The following NHEJ1 variants were observed in gnomAD, a reference collection of about 807,000 sequenced individuals.
NHEJ1 encodes non-homologous end joining factor 1.
NHEJ1 carries 22 observed loss-of-function variants against 39.4 expected under a neutral mutation model. The ratio of observed to expected loss-of-function variants is 0.56; its 90% CI spans 0.40 to 0.80. The LOEUF (loss-of-function observed/expected upper bound fraction) is 0.80, where lower values mean the gene tolerates loss of function less well. Ranked by LOEUF, NHEJ1 falls within the 30% of genes least tolerant of loss-of-function variation. The pLI is 0.00. For missense variants in NHEJ1, 329 were observed against 357.1 expected, an observed-to-expected ratio of 0.92 and a Z score of 0.63; for synonymous variants, 154 against 135.6, an observed-to-expected ratio of 1.14 and a Z score of -0.94.
chr2:219,078,150 C>G lies in NHEJ1; in HGVS notation c.645G>C (p.Gln215His). 6.2e-7 allele frequency: 1 copy of G among 1,614,146 alleles called. No individual in the cohort carries two copies. The highest frequency in any genetic ancestry group is 8.5e-7 in the Non-Finnish European group (1 of 1,180,028). ...GTGTGGTGACTGCCATATACAGATC[C>G]TGCAGATTCATGACAAAGGGCTTTC... is the stretch of plus-strand genomic sequence containing the variant. ...GDGKPFVMNL[Q>H]DLYMAVTTQE... The change falls in exon 6 of 8, where the codon CAG becomes CAC. Residue 215 changes from glutamine (Q) to histidine (H), a missense_variant. Physicochemically the swap from Gln to His is conservative, Grantham distance 24 (BLOSUM62 0). Transcript: ENST00000356853.
chr2:219,149,042 C>T (rs534868242), intron 3 of NHEJ1, among the ~76,000 whole-genome samples: 22 of 152,176 alleles, frequency 1.4e-4, no homozygotes, highest in African/African-American at 5.3e-4. Context: ...CACCACGATG[C>T]CCGGCTAATT....
At chr2:219,143,761 T>C (rs111540875) in intron 5 of NHEJ1, among the ~76,000 whole-genome samples, 1 of 152,282 alleles carries the variant, frequency 6.6e-6, no homozygotes, top group Non-Finnish European at 1.5e-5. Flanking sequence ...CTAAATTCTG[T>C]ATGCTTTCTC....
rs1304156709 is a variant in NHEJ1, at chr2:219,070,829, C to T, written c.*5552G>A. ...GAGGGCAACACAACAGACATTACCA[C>T]TATCAGAAAACCACTCAAGTAGGGC... On this transcript the variant is annotated 3_prime_UTR_variant, in exon 8 of 8. Transcript: ENST00000356853. 6.6e-6 allele frequency among the ~76,000 whole-genome samples: 1 copy of T among 152,214 alleles called. No individual in the cohort carries two copies. Among genetic ancestry groups the T allele is most frequent in the Non-Finnish European group, 1.5e-5 (1 of 68,040 alleles).
At chr2:219,126,114 G>A (rs527288535) in intron 5 of NHEJ1, among the ~76,000 whole-genome samples, 3 of 152,182 alleles carry the variant, frequency 2.0e-5, no homozygotes, top group Non-Finnish European at 2.9e-5. Flanking sequence ...TTCCACTTTG[G>A]GACTTTGCCA....
chr2:219,150,638 G>A (rs1949786259), intron 3 of NHEJ1, among the ~76,000 whole-genome samples: 2 of 152,094 alleles, frequency 1.3e-5, no homozygotes, highest in South Asian at 4.1e-4. Context: ...TGGGCAACAT[G>A]GTGAAACCTC....
Position 219,072,807 on chromosome 2 carries a change from T to C in NHEJ1, c.*3574A>G, listed in dbSNP as rs1287410200. 6.6e-6 allele frequency among the ~76,000 whole-genome samples: 1 copy of C among 152,136 alleles called. No individual in the cohort carries two copies. Among genetic ancestry groups the C allele is most frequent in the African/African-American group, 2.4e-5 (1 of 41,406 alleles). On this transcript the variant is annotated 3_prime_UTR_variant, in exon 8 of 8. Coordinates refer to ENST00000356853, the MANE Select transcript of NHEJ1 (RefSeq NM_024782.3). ...CTCTCTGGAGCGAATCTGTGTAGTT[T>C]TGTAAGTAGGAGAAAATGAGAGACA...
intron 5 of NHEJ1, among the ~76,000 whole-genome samples, chr2:219,081,473 G>A (rs1949067144): frequency 6.6e-6 from 1 of 152,194 alleles, no homozygotes; most frequent in African/African-American, 2.4e-5. Flanking sequence ...CAGCCTACCT[G>A]TAGAACGTGT....
Position 219,111,668 on chromosome 2 carries a change from G to GAT in NHEJ1, c.589-33464_589-33463dup, listed in dbSNP as rs1949367155. Among the ~76,000 whole-genome samples the GAT allele has an allele frequency of 1.3e-5, 1 of 76,416 alleles. No homozygotes were observed. Among genetic ancestry groups the GAT allele is most frequent in the Non-Finnish European group, 3.1e-5 (1 of 32,392 alleles). The allele number at this position is 76,416 out of a possible 152,430, so 50.1% of individuals were successfully genotyped here. ...ACACACACACACACACACACAGAGA[G>GAT]ATACATACAGTCAGTGGGAAAGAAG... On this transcript the variant is annotated intron_variant, in intron 5 of 7. Coordinates refer to ENST00000356853, the MANE Select transcript of NHEJ1 (RefSeq NM_024782.3). This position sits in a 1 kb window ranked among gnomAD's most constrained non-coding sequence, Gnocchi z 4.1.
intron 3 of NHEJ1, among the ~76,000 whole-genome samples, chr2:219,152,508 G>A (rs1309835797): frequency 6.6e-6 from 1 of 152,108 alleles, no homozygotes; most frequent in Non-Finnish European, 1.5e-5. Flanking sequence ...GTGAAGGCTG[G>A]AGCACAGTAG....
intron 5 of NHEJ1, among the ~76,000 whole-genome samples, chr2:219,134,160 G>T (rs1346737984): frequency 6.6e-6 from 1 of 152,138 alleles, no homozygotes; most frequent in African/African-American, 2.4e-5. Flanking sequence ...AATTGCCTAA[G>T]GGTCTTTCCT....
At chr2:219,093,085 C>A (rs992147267) in intron 5 of NHEJ1, among the ~76,000 whole-genome samples, 5 of 152,172 alleles carry the variant, frequency 3.3e-5, no homozygotes, top group African/African-American at 7.2e-5. Context: ...TAACAGCCTT[C>A]CAGATGAGAA....
At chr2:219,112,811 A>G (rs1277876445) in intron 5 of NHEJ1, among the ~76,000 whole-genome samples, 1 of 152,158 alleles carries the variant, frequency 6.6e-6, no homozygotes, top group Non-Finnish European at 1.5e-5. Flanking sequence ...TACACTCATG[A>G]CTTTCACAAT....
At chr2:219,105,260 A>C (rs1411069419) in intron 5 of NHEJ1, among the ~76,000 whole-genome samples, 1 of 152,222 alleles carries the variant, frequency 6.6e-6, no homozygotes, top group Non-Finnish European at 1.5e-5. Flanking sequence ...GTTTGTGCAG[A>C]ATCTGGTCTG....
chr2:219,110,003 G>A (rs1198016806), intron 5 of NHEJ1, among the ~76,000 whole-genome samples: 3 of 152,114 alleles, frequency 2.0e-5, no homozygotes, highest in Non-Finnish European at 2.9e-5. Context: ...CCATCTCCCC[G>A]ATTGGGTATG....
chr2:219,089,118 C>G (rs1949138466), intron 5 of NHEJ1, among the ~76,000 whole-genome samples: 1 of 152,166 alleles, frequency 6.6e-6, no homozygotes, highest in Non-Finnish European at 1.5e-5. Context: ...TGCGCCCAGC[C>G]TATACTTCAA....
At chr2:219,160,541 A>C (rs114969165) in intron 1 of NHEJ1, 179 bp downstream of exon 1, 3 of 152,122 alleles carry the variant, frequency 2.0e-5, no homozygotes, top group South Asian at 2.1e-4. Context: ...CACGCCGGGC[A>C]GCAGCCAGCG....
intron 5 of NHEJ1, among the ~76,000 whole-genome samples, chr2:219,086,170 T>C (rs1056918288): frequency 2.6e-5 from 4 of 152,238 alleles, no homozygotes; most frequent in Non-Finnish European, 5.9e-5. Context: ...ACCCTATCAG[T>C]TGGGCTCTAA....
At chr2:219,138,008 G>GA (rs1949652464) in intron 5 of NHEJ1, among the ~76,000 whole-genome samples, 4 of 152,116 alleles carry the variant, frequency 2.6e-5, no homozygotes, top group Non-Finnish European at 5.9e-5. Context: ...TCGGAGAACT[G>GA]ACACACATAA....
intron 5 of NHEJ1, among the ~76,000 whole-genome samples, chr2:219,143,274 C>G (rs539752443): frequency 6.6e-6 from 1 of 152,144 alleles, no homozygotes; most frequent in South Asian, 2.1e-4. Context: ...TTTGTAGGAC[C>G]CCGGGCAAGC....
Sources: gnomAD v4.1 joint callset for allele counts (sites outside exome capture counted in the v4.1 genomes callset) on GRCh38, gnomAD v4.1.1 for gene constraint, Gnocchi (gnomAD v3.1) non-coding constraint, MANE v1.5 for transcripts, NCBI Gene and HGNC (gene_info 2026-07-23, HGNC 2026-07-21) for gene names.